Variants in RAB11FIP2 observed in about 807,000 individuals in gnomAD.
RAB11FIP2 encodes the protein rab11 family-interacting protein 2.
A neutral mutation model predicts 40.9 loss-of-function variants in RAB11FIP2; 16 were observed. The ratio of observed to expected loss-of-function variants is 0.39; its 90% CI spans 0.26 to 0.59. RAB11FIP2 has a LOEUF of 0.59. Ranked by LOEUF, RAB11FIP2 falls within the 20% of genes least tolerant of loss-of-function variation. The pLI, the probability that RAB11FIP2 is intolerant of heterozygous loss-of-function variation, is 0.53. For missense variants in RAB11FIP2, 532 were observed against 606.2 expected (o/e 0.88, Z 1.28); for synonymous variants, 228 against 213.7 (o/e 1.07, Z -0.58).
In RAB11FIP2 at chr10:118,040,209, G is replaced by T. The variant is rs144740962; in HGVS notation, c.710C>A (p.Ser237Tyr). 4 of 1,613,700 alleles carry T rather than the reference G, an allele frequency of 2.5e-6. No individual in the cohort carries two copies. The Admixed American group carries it at 5.0e-5, about 20-fold the overall frequency. The change falls in exon 2 of 5, where the codon TCT (serine) becomes TAT (tyrosine). Residue 237 changes from serine to tyrosine, a missense_variant. Coordinates refer to ENST00000355624, the MANE Select transcript of RAB11FIP2 (RefSeq NM_014904.3). ...SMSDLSGSHM[S>Y]SEKLKAGTIG... is the part of the protein sequence containing the mutation. ...GGTGCCAGCCTTCAGTTTCTCAGAA[G>T]ACATATGGGACCCAGATAAATCAGA...
chr10:118,009,147 T>G lies in RAB11FIP2; in HGVS notation c.1390A>C (p.Lys464Gln), dbSNP rs1373866463. Residue 464 changes from lysine (K) to glutamine (Q), a missense_variant, in exon 5 of 5, where the codon AAA becomes CAA. By Grantham distance (53) the Lys-to-Gln change is moderately conservative. Coordinates refer to ENST00000355624, the MANE Select transcript of RAB11FIP2 (RefSeq NM_014904.3). ...GTGTCTTTCCTCCTAAGGAGTTCTT[T>G]GTGTTTCACCAGCTCCTGTAGAACC... Reference protein sequence around the residue: ...EEVLQELVKHKELLRRKDTHI... With the variant: ...EEVLQELVKHQELLRRKDTHI... 6.2e-7 allele frequency: 1 copy of G among 1,613,512 alleles called. No individual in the cohort carries two copies. The highest frequency in any genetic ancestry group is 8.5e-7 in the Non-Finnish European group (1 of 1,179,636).
rs1320900952 is a variant in RAB11FIP2 at position 118,043,818 on chromosome 10, G to A, written c.353+1993C>T. ...TTAAATATCTTCCTTGAAATATACC[G>A]GCGGCTCAAGTCTGTCTCTTACTGG... is the stretch of plus-strand genomic sequence containing the variant. On this transcript the variant is annotated intron_variant, in intron 1 of 4. Transcript: ENST00000355624. 3.3e-5 allele frequency among the ~76,000 whole-genome samples: 5 copies of A among 152,188 alleles called. No individual in the cohort carries two copies. In the East Asian group the frequency reaches 5.8e-4, roughly 18 times the overall value.
intron 3 of RAB11FIP2, among the ~76,000 whole-genome samples, chr10:118,021,287 T>C (rs1846280914): frequency 6.6e-6 from 1 of 152,246 alleles, no homozygotes; most frequent in Non-Finnish European, 1.5e-5. Context: ...TGCCTTACAA[T>C]TTATAAGACA....
rs569131551 is a variant in RAB11FIP2 at position 118,046,034 on chromosome 10, T to G, written c.130A>C (p.Lys44Gln). 35 of 1,614,232 alleles carry G rather than the reference T, an allele frequency of 2.2e-5. No individual in the cohort carries two copies. The South Asian group carries it at 2.7e-4, about 13-fold the overall frequency. The part of the protein sequence containing the change: ...NDTYTIIQLG[K>Q]EKYSTSVAEK... ...GCTACAGAGGTGGAGTACTTTTCCT[T>G]GCCCAGCTGAATTATAGTGTATGTG... is the stretch of plus-strand genomic sequence containing the variant. The change falls in exon 1 of 5, where the codon AAG becomes CAG. Residue 44 changes from lysine (K) to glutamine (Q), a missense_variant. Lys to Gln is a moderately conservative substitution (Grantham distance 53, BLOSUM62 1). Transcript: ENST00000355624.
At chr10:118,040,837 T>C (rs924590397) in intron 1 of RAB11FIP2, among the ~76,000 whole-genome samples, 1 of 152,152 alleles carries the variant, frequency 6.6e-6, no homozygotes, top group African/African-American at 2.4e-5. Flanking sequence ...CTTTTGTAAT[T>C]TGAAAATCAC....
intron 3 of RAB11FIP2, among the ~76,000 whole-genome samples, chr10:118,017,120 G>A (rs574006190): frequency 2.4e-4 from 36 of 152,224 alleles, no homozygotes; most frequent in African/African-American, 8.4e-4. Context: ...GTCACAGAGA[G>A]GTTAGGTAAC....
chr10:118,019,781 G>A (rs563339115), intron 3 of RAB11FIP2, among the ~76,000 whole-genome samples: 14 of 150,682 alleles, frequency 9.3e-5, no homozygotes, highest in Non-Finnish European at 1.5e-4. Context: ...AGCCGAGATC[G>A]CGCCACTGCA....
chr10:118,039,910 A>G, intron 2 of RAB11FIP2: 1 of 486,564 alleles, frequency 2.1e-6, no homozygotes, highest in Non-Finnish European at 3.6e-6. Flanking sequence ...TCATTTTATT[A>G]TCATCTAATA....
Position 118,008,827 on chromosome 10 carries a change from G to A in RAB11FIP2, c.*171C>T. On this transcript the variant is annotated 3_prime_UTR_variant, in exon 5 of 5. Transcript: ENST00000355624. Reference sequence around the variant, plus strand: ...TTAAATGATTTAGCTTGCTTCAAAGGTCACTCTTGATAGTCCCTGCTAATA... The same window carrying A: ...TTAAATGATTTAGCTTGCTTCAAAGATCACTCTTGATAGTCCCTGCTAATA... The A allele has an allele frequency of 3.3e-6, 2 of 612,470 alleles. No individual in the cohort carries two copies. The highest frequency in any genetic ancestry group is 2.9e-6 in the Non-Finnish European group (1 of 349,568). The allele number at this position is 612,470 out of a possible 1,614,324, so 37.9% of individuals were successfully genotyped here. A position where few individuals can be genotyped will look rare whatever the true frequency, so the allele number is the denominator to read the frequency against.
chr10:118,007,906 G>A lies in RAB11FIP2; in HGVS notation c.*1092C>T, dbSNP rs1221953995. 6.6e-6 allele frequency: 1 copy of A among 152,378 alleles called. No individual in the cohort carries two copies. The highest frequency in any genetic ancestry group is 1.5e-5 in the Non-Finnish European group (1 of 67,974). The allele number at this position is 152,378 out of a possible 1,614,324, so 9.4% of individuals were successfully genotyped here. A position where few individuals can be genotyped will look rare whatever the true frequency, so the allele number is the denominator to read the frequency against. Reference sequence around the variant, plus strand: ...TTTAGTAAGTCTTATTTTGGTTCAAGACCCAAAGGCAACCATCTGCTCTAT... The same window carrying A: ...TTTAGTAAGTCTTATTTTGGTTCAAAACCCAAAGGCAACCATCTGCTCTAT... On this transcript the variant is annotated 3_prime_UTR_variant, in exon 5 of 5. Coordinates refer to ENST00000355624, the MANE Select transcript of RAB11FIP2 (RefSeq NM_014904.3).
At chr10:118,025,146 A>C in intron 3 of RAB11FIP2, among the ~76,000 whole-genome samples, 1 of 152,206 alleles carries the variant, frequency 6.6e-6, no homozygotes, top group Non-Finnish European at 1.5e-5. Flanking sequence ...TTAAATTATA[A>C]AATTTTTGCC....
Position 118,040,573 on chromosome 10 carries a change from A to G in RAB11FIP2, c.354-8T>C. 6.4e-7 allele frequency: 1 copy of G among 1,560,694 alleles called. No individual in the cohort carries two copies. Among genetic ancestry groups the G allele is most frequent in the Non-Finnish European group, 8.7e-7 (1 of 1,154,760 alleles). On this transcript the variant is annotated splice_polypyrimidine_tract_variant and splice_region_variant and intron_variant, in intron 1 of 4. Transcript: ENST00000355624. ...GATTCTAATCTAAACCACCTTAAAG[A>G]GAAGAAAAAAAAATTGGCTGTAACA... is the stretch of plus-strand genomic sequence containing the variant.
chr10:118,035,607 G>A (rs1021974406), intron 3 of RAB11FIP2, among the ~76,000 whole-genome samples: 5 of 152,088 alleles, frequency 3.3e-5, no homozygotes, highest in African/African-American at 7.2e-5. Flanking sequence ...TACTGTGTGC[G>A]TTTATTCAAA....
At chr10:118,038,381 G>C (rs944450871) in intron 3 of RAB11FIP2, among the ~76,000 whole-genome samples, 5 of 151,936 alleles carry the variant, frequency 3.3e-5, no homozygotes, top group Admixed American at 3.3e-4. Context: ...TCTTTCTCAT[G>C]AGTGATTATT....
intron 3 of RAB11FIP2, among the ~76,000 whole-genome samples, chr10:118,035,588 G>T (rs1308894255): frequency 2.0e-5 from 3 of 152,000 alleles, no homozygotes; most frequent in Non-Finnish European, 4.4e-5. Flanking sequence ...TTAAGAAACT[G>T]GTCTGCTATA....
At chr10:118,015,042 C>A (rs1222728383) in intron 4 of RAB11FIP2, 23 bp downstream of exon 4, 1 of 1,595,824 alleles carries the variant, frequency 6.3e-7, no homozygotes. Flanking sequence ...TTTGACAACC[C>A]TCTAACCCCT....
At position 118,039,002 on chromosome 10, in the gene RAB11FIP2, A is replaced by C; in HGVS notation, c.1235T>G (p.Phe412Cys). The change falls in exon 3 of 5, where the codon TTC becomes TGC. Residue 412 changes from phenylalanine (F) to cysteine (C), a missense_variant. Coordinates refer to ENST00000355624, the MANE Select transcript of RAB11FIP2 (RefSeq NM_014904.3). ...AGATGGCATTATATTTGAAGCCCTGAATTTTGCTGTAAATGGATTGGTTGA... is the reference window on the plus strand; with the variant it reads ...AGATGGCATTATATTTGAAGCCCTGCATTTTGCTGTAAATGGATTGGTTGA... ...YESTNPFTAK[F>C]RASNIMPSSS... 3 of 1,602,568 alleles carry C rather than the reference A, an allele frequency of 1.9e-6. No homozygotes were observed. Among genetic ancestry groups the C allele is most frequent in the Non-Finnish European group, 2.6e-6 (3 of 1,176,128 alleles).
At chr10:118,020,093 A>G (rs2133167341) in intron 3 of RAB11FIP2, among the ~76,000 whole-genome samples, 1 of 152,288 alleles carries the variant, frequency 6.6e-6, no homozygotes, top group Admixed American at 6.5e-5. Flanking sequence ...TGCTCTATTT[A>G]TCCTCATTTA....
chr10:118,010,460 C>G (rs1281149302), intron 4 of RAB11FIP2, among the ~76,000 whole-genome samples: 1 of 152,068 alleles, frequency 6.6e-6, no homozygotes, highest in Non-Finnish European at 1.5e-5. Context: ...CTGTCCTTCC[C>G]TGTTTTCAGG....
Sources: allele counts gnomAD v4.1 joint callset (sites outside exome capture counted in the v4.1 genomes callset), GRCh38; gene constraint gnomAD v4.1.1; transcripts MANE v1.5; gene names NCBI Gene and HGNC (gene_info 2026-07-23, HGNC 2026-07-21).